DLGAP5: variants seen among roughly 807,000 people sequenced by gnomAD.
The protein encoded by DLGAP5 is disks large-associated protein 5.
A neutral mutation model predicts 99.6 loss-of-function variants in DLGAP5; 90 were observed. The observed-to-expected ratio is 0.90, with a 90% confidence interval of 0.76 to 1.08. The LOEUF is 1.08. DLGAP5 is among the 50% of genes least tolerant of loss of function. The probability of loss-of-function intolerance (pLI) is 0.00; values close to 1 mark genes in which losing one functional copy is unlikely to be tolerated. For synonymous variants in DLGAP5, 311 were observed against 321.3 expected, an observed-to-expected ratio of 0.97 and a Z score of 0.34; for missense variants, 1,036 against 983.5, an observed-to-expected ratio of 1.05 and a Z score of -0.71.
chr14:55,180,336 T>C (rs990966267), intron 6 of DLGAP5, among the ~76,000 whole-genome samples: 3 of 152,224 alleles, frequency 2.0e-5, no homozygotes, highest in African/African-American at 4.8e-5. Flanking sequence ...TAATATATCA[T>C]GAACCATGTC....
rs1882168263 is a variant in DLGAP5 at position 55,155,216 on chromosome 14, G to A, written c.1874-410C>T. The stretch of plus-strand genomic sequence containing the variant: ...ATTTTTGTATTTTTAGTAGAGATGA[G>A]GTTTCACCATGTTGGCCAGGCTGGT... On this transcript the variant is annotated intron_variant, in intron 14 of 18. Transcript: ENST00000247191. Among the ~76,000 whole-genome samples the A allele has an allele frequency of 2.0e-5, 3 of 151,442 alleles. No homozygotes were observed. In the South Asian group the frequency reaches 6.2e-4, roughly 31 times the overall value.
chr14:55,187,690 T>C (rs886220033), intron 2 of DLGAP5, among the ~76,000 whole-genome samples: 6 of 151,970 alleles, frequency 3.9e-5, no homozygotes, highest in African/African-American at 1.4e-4. Flanking sequence ...CAGTGACTTT[T>C]CACAGGCACC....
At chr14:55,186,071 G>C (rs1386499953) in intron 2 of DLGAP5, among the ~76,000 whole-genome samples, 4 of 152,102 alleles carry the variant, frequency 2.6e-5, no homozygotes, top group Non-Finnish European at 5.9e-5. Flanking sequence ...GGGAGTTTGA[G>C]ACCAGCCTGA....
chr14:55,162,237 T>C (rs565106930), intron 13 of DLGAP5, among the ~76,000 whole-genome samples: 1 of 152,238 alleles, frequency 6.6e-6, no homozygotes, highest in Non-Finnish European at 1.5e-5. Context: ...TATAAAGTAA[T>C]TGGAATAATA....
intron 12 of DLGAP5, among the ~76,000 whole-genome samples, chr14:55,167,936 T>C (rs532424921): frequency 6.6e-6 from 1 of 152,340 alleles, no homozygotes; most frequent in South Asian, 2.1e-4. Flanking sequence ...GCTGTGGGTC[T>C]ACTCAGTGCT....
intron 7 of DLGAP5, 71 bp downstream of exon 7, chr14:55,179,558 A>G (rs1236732370): frequency 7.5e-7 from 1 of 1,336,778 alleles, no homozygotes; most frequent in Non-Finnish European, 1.1e-6. Flanking sequence ...CTTTATGTTT[A>G]ATTTCAACTT....
chr14:55,179,826 A>C (rs1260917118), intron 6 of DLGAP5, 127 bp from the exon 7 acceptor site: 1 of 709,972 alleles, frequency 1.4e-6, no homozygotes, highest in Non-Finnish European at 2.2e-6. Context: ...ATTAAAAGCC[A>C]TATTATAAAA....
chr14:55,164,229 G>T (rs1164603632), intron 12 of DLGAP5, among the ~76,000 whole-genome samples: 6 of 151,962 alleles, frequency 3.9e-5, no homozygotes, highest in Non-Finnish European at 8.8e-5. Flanking sequence ...CAAGCTACTT[G>T]GTAGGCTGAG....
At chr14:55,158,050 AAC>A in intron 14 of DLGAP5, among the ~76,000 whole-genome samples, 1 of 152,348 alleles carries the variant, frequency 6.6e-6, no homozygotes, top group African/African-American at 2.4e-5. Context: ...GGCATGAACC[AAC>A]ACACACAGCA....
chr14:55,156,023 G>A lies in DLGAP5; in HGVS notation c.1874-1217C>T, dbSNP rs565908834. ...GGAGAATGGCGTGAACCCAGGAGGC[G>A]GAGCTTGCAGTGTGCTGAGATCGTG... On this transcript the variant is annotated intron_variant, in intron 14 of 18. Transcript: ENST00000247191. 1.5e-3 allele frequency among the ~76,000 whole-genome samples: 224 copies of A among 151,996 alleles called. 2 individuals are homozygous for A. Among genetic ancestry groups the A allele is most frequent in the Admixed American group, 4.3e-3 (66 of 15,270 alleles).
intron 2 of DLGAP5, 92 bp downstream of exon 2, chr14:55,188,850 T>A: frequency 2.5e-6 from 2 of 815,944 alleles, no homozygotes; most frequent in Non-Finnish European, 1.9e-6. Context: ...ATTTCAAAAC[T>A]CTTCTGGCCA....
Position 55,170,604 on chromosome 14 carries a change from A to T in DLGAP5, c.1387+98T>A, listed in dbSNP as rs868025594. On this transcript the variant is annotated intron_variant, in intron 11 of 18. Transcript: ENST00000247191. ...ATTCTTGCTACTTTGAATGATAATGAAACAATAAAGTTAGGCAATGCTATA... is the reference window on the plus strand; with the variant it reads ...ATTCTTGCTACTTTGAATGATAATGTAACAATAAAGTTAGGCAATGCTATA... The T allele has an allele frequency of 6.6e-6, 7 of 1,067,534 alleles. No homozygotes were observed. In the Middle Eastern group the frequency reaches 1.3e-3, roughly 192 times the overall value. The allele number at this position is 1,067,534 out of a possible 1,614,324, so 66.1% of individuals were successfully genotyped here. A position where few individuals can be genotyped will look rare whatever the true frequency, so the allele number is the denominator to read the frequency against.
intron 14 of DLGAP5, among the ~76,000 whole-genome samples, chr14:55,157,574 T>G (rs544972884): frequency 6.6e-6 from 1 of 151,932 alleles, no homozygotes. Flanking sequence ...TCAAGAAAAA[T>G]AGTCTGTGGA....
intron 13 of DLGAP5, among the ~76,000 whole-genome samples, chr14:55,162,221 AATAT>A (rs1008854189): frequency 6.6e-6 from 1 of 152,212 alleles, no homozygotes; most frequent in Non-Finnish European, 1.5e-5. Flanking sequence ...TGTAAGGATT[AATAT>A]ATATAAAGTA....
chr14:55,167,938 C>G (rs1000373998), intron 12 of DLGAP5, among the ~76,000 whole-genome samples: 8 of 152,314 alleles, frequency 5.3e-5, no homozygotes, highest in Admixed American at 2.0e-4. Flanking sequence ...TGTGGGTCTA[C>G]TCAGTGCTAA....
At position 55,179,648 on chromosome 14, in the gene DLGAP5, A is replaced by T; in HGVS notation, c.755T>A (p.Val252Glu). The T allele has an allele frequency of 6.2e-7, 1 of 1,612,536 alleles. No homozygotes were observed. The change falls in exon 7 of 19, where the codon GTA becomes GAA. Residue 252 changes from valine (V) to glutamate (E), a missense_variant. Val to Glu is a moderately radical substitution (Grantham distance 121). Coordinates refer to ENST00000247191, the MANE Select transcript of DLGAP5 (RefSeq NM_014750.5). The stretch of plus-strand genomic sequence containing the variant: ...CTCTACCTTGTCGGGTTTTGTTTCT[A>T]CATTTTTGGCAGGTCTTCCTTTACT... ...VPSKGRPAKN[V>E]ETKPDKGISC... is the part of the protein sequence containing the mutation.
chr14:55,176,536 T>TA (rs200330005), intron 8 of DLGAP5, among the ~76,000 whole-genome samples: 1 of 152,170 alleles, frequency 6.6e-6, no homozygotes, highest in East Asian at 1.9e-4. Context: ...CCAAATTGTA[T>TA]AGTGAAAATA....
intron 10 of DLGAP5, among the ~76,000 whole-genome samples, chr14:55,173,323 C>T (rs1309040442): frequency 6.6e-6 from 1 of 151,042 alleles, no homozygotes; most frequent in Non-Finnish European, 1.5e-5. Context: ...AAATTAGCCA[C>T]CCACTGGCAG....
rs1440920694 is a variant in DLGAP5 at position 55,169,416 on chromosome 14, C to T, written c.1531G>A (p.Asp511Asn). The stretch of plus-strand genomic sequence containing the variant: ...CCACATACCTGAAAACTAACCATAT[C>T]CCAAAATCCATCCAGATCTGTACAG... ...TTCTDLDGFW[D>N]MVSFQIEDVI... Residue 511 changes from aspartate (D) to asparagine (N), a missense_variant, in exon 12 of 19, where the codon GAT (aspartate) becomes AAT (asparagine). Transcript: ENST00000247191. 6.5e-7 allele frequency: 1 copy of T among 1,545,628 alleles called. No homozygotes were observed. Among genetic ancestry groups the T allele is most frequent in the Non-Finnish European group, 8.7e-7 (1 of 1,152,382 alleles).
Sources: gnomAD v4.1 joint callset for allele counts (sites outside exome capture counted in the v4.1 genomes callset) on GRCh38, gnomAD v4.1.1 for gene constraint, MANE v1.5 for transcripts, NCBI Gene and HGNC (gene_info 2026-07-23, HGNC 2026-07-21) for gene names.